The following NAA11 variants were observed in gnomAD, a reference collection of about 807,000 sequenced individuals.
The protein encoded by NAA11 is N-alpha-acetyltransferase 11, NatA catalytic subunit.
Under a neutral mutation model 16.1 loss-of-function variants are expected in NAA11, and 15 were observed. The observed-to-expected ratio is 0.93, with a 90% confidence interval of 0.62 to 1.44. The LOEUF (loss-of-function observed/expected upper bound fraction) is 1.44, where lower values mean the gene tolerates loss of function less well. NAA11 is among the 40% of genes most tolerant of loss of function. The pLI is 0.00. For missense variants in NAA11, 298 were observed against 291.3 expected, an observed-to-expected ratio of 1.02 and a Z score of -0.17; for synonymous variants, 122 against 112.4, an observed-to-expected ratio of 1.09 and a Z score of -0.54.
the NAA11 span, among the ~76,000 whole-genome samples, chr4:79,164,074 A>AT: frequency 0.015 from 2,190 of 149,744 alleles, 52 homozygotes; most frequent in African/African-American, 0.051. Context: ...TTGCTACTGT[A>AT]TTTTTTTTTA....
chr4:79,160,992 C>G, the NAA11 span, among the ~76,000 whole-genome samples: 4 of 152,114 alleles, frequency 2.6e-5, no homozygotes, highest in Non-Finnish European at 4.4e-5. Flanking sequence ...TATTTGGTAT[C>G]ATGTCTAAGA....
the NAA11 span, among the ~76,000 whole-genome samples, chr4:79,208,324 A>G: frequency 4.5e-4 from 68 of 152,312 alleles, 1 homozygote; most frequent in Middle Eastern, 3.4e-3. Flanking sequence ...TAATAATTAA[A>G]TGTGATAATA....
At chr4:79,166,740 G>C in the NAA11 span, among the ~76,000 whole-genome samples, 1 of 149,244 alleles carries the variant, frequency 6.7e-6, no homozygotes, top group East Asian at 2.1e-4. Flanking sequence ...GTGGTGGCAC[G>C]CACCTGTAGT....
chr4:79,288,209 C>G (rs963562058), intron 2 of NAA11, among the ~76,000 whole-genome samples: 34 of 152,096 alleles, frequency 2.2e-4, no homozygotes, highest in Non-Finnish European at 5.9e-5. Flanking sequence ...CACCTCATTA[C>G]AGAATGGGGT....
At chr4:79,258,905 T>A (rs1000417096) in intron 2 of NAA11, 7 of 187,132 alleles carry the variant, frequency 3.7e-5, no homozygotes, top group Non-Finnish European at 6.7e-5. Context: ...AAGGAGCTAC[T>A]CATTCCAGGG....
At chr4:79,189,025 A>G in the NAA11 span, among the ~76,000 whole-genome samples, 10 of 151,486 alleles carry the variant, frequency 6.6e-5, no homozygotes, top group African/African-American at 2.4e-4. Flanking sequence ...AGGTGCCTGT[A>G]GTCCCAGCTA....
At chr4:79,267,355 T>C (rs1329804361) in intron 2 of NAA11, among the ~76,000 whole-genome samples, 1 of 152,172 alleles carries the variant, frequency 6.6e-6, no homozygotes, top group Admixed American at 6.5e-5. Flanking sequence ...GGCTTAGTAA[T>C]GAAGGATGAA....
At chr4:79,197,378 T>A in the NAA11 span, among the ~76,000 whole-genome samples, 1 of 152,042 alleles carries the variant, frequency 6.6e-6, no homozygotes, top group Admixed American at 6.6e-5. Flanking sequence ...TTTAATTTTA[T>A]GCCTCAGTGT....
intron 2 of NAA11, among the ~76,000 whole-genome samples, chr4:79,230,436 A>G (rs1721435011): frequency 6.6e-6 from 1 of 151,986 alleles, no homozygotes; most frequent in Admixed American, 6.6e-5. Flanking sequence ...ATAAATAAAT[A>G]AATAAAAAGA....
chr4:79,232,178 C>T (rs1721481807), intron 2 of NAA11, among the ~76,000 whole-genome samples: 4 of 151,870 alleles, frequency 2.6e-5, no homozygotes, highest in Admixed American at 2.6e-4. Flanking sequence ...AGATTGGACA[C>T]ATATTGATAG....
chr4:79,257,262 C>T (rs1239024473), intron 2 of NAA11, among the ~76,000 whole-genome samples: 1 of 152,122 alleles, frequency 6.6e-6, no homozygotes, highest in Non-Finnish European at 1.5e-5. Flanking sequence ...ATATTTAATG[C>T]TCACCACCAG....
chr4:79,200,289 AGTAAT>A, the NAA11 span, among the ~76,000 whole-genome samples: 1 of 151,872 alleles, frequency 6.6e-6, no homozygotes, highest in Non-Finnish European at 1.5e-5. Context: ...CTTGACACAT[AGTAAT>A]GTGCTGCCTG....
At chr4:79,306,328 A>G (rs1033952962) in intron 1 of NAA11, among the ~76,000 whole-genome samples, 9 of 152,190 alleles carry the variant, frequency 5.9e-5, no homozygotes, top group African/African-American at 2.2e-4. Context: ...CCTGAGATCA[A>G]GGTGTTGGCC....
intron 2 of NAA11, among the ~76,000 whole-genome samples, chr4:79,231,090 TC>T (rs1369187731): frequency 1.3e-5 from 2 of 152,014 alleles, no homozygotes; most frequent in Admixed American, 6.6e-5. Flanking sequence ...TATTAAATGT[TC>T]CAGAAATGTG....
chr4:79,235,185 C>T (rs1389270642), intron 2 of NAA11, among the ~76,000 whole-genome samples: 1 of 152,024 alleles, frequency 6.6e-6, no homozygotes, highest in Non-Finnish European at 1.5e-5. Flanking sequence ...TAAACACTTG[C>T]TGACTGTCAA....
chr4:79,196,410 C>G, the NAA11 span, among the ~76,000 whole-genome samples: 2 of 152,044 alleles, frequency 1.3e-5, no homozygotes, highest in Admixed American at 6.6e-5. Context: ...TCTTTTAACT[C>G]TAAGGTATAA....
intron 1 of NAA11, among the ~76,000 whole-genome samples, chr4:79,324,035 T>C (rs1321737649): frequency 6.6e-6 from 1 of 151,810 alleles, no homozygotes; most frequent in African/African-American, 2.4e-5. Context: ...GTAATTGTTT[T>C]GGCTCTTTAA....
chr4:79,245,859 G>A (rs566668160), intron 2 of NAA11, among the ~76,000 whole-genome samples: 194 of 152,162 alleles, frequency 1.3e-3, no homozygotes, highest in Middle Eastern at 3.4e-3. Context: ...TCTGCCCGGC[G>A]GCCACCCCTT....
intron 2 of NAA11, among the ~76,000 whole-genome samples, chr4:79,228,848 T>C (rs1390759828): frequency 6.6e-6 from 1 of 152,070 alleles, no homozygotes; most frequent in East Asian, 1.9e-4. Context: ...TACTGAATTA[T>C]ATGGTATGTA....
Sources: allele counts gnomAD v4.1 joint callset (sites outside exome capture counted in the v4.1 genomes callset), GRCh38; gene constraint gnomAD v4.1.1; transcripts MANE v1.5; gene names NCBI Gene and HGNC (gene_info 2026-07-23, HGNC 2026-07-21).